Variants in LRMDA observed in about 807,000 individuals in gnomAD.
LRMDA encodes leucine-rich melanocyte differentiation-associated protein.
A neutral mutation model predicts 29.8 loss-of-function variants in LRMDA; 18 were observed. The observed-to-expected ratio is 0.60, with a 90% CI of 0.42 to 0.90. LRMDA has a LOEUF of 0.90. Ranked by LOEUF, LRMDA falls within the 40% of genes least tolerant of loss-of-function variation. The probability of loss-of-function intolerance (pLI) is 0.00; values close to 1 mark genes in which losing one functional copy is unlikely to be tolerated. For synonymous variants in LRMDA, 125 were observed against 109.4 expected, an observed-to-expected ratio of 1.14 and a Z score of -0.89; for missense variants, 273 against 273.9, an observed-to-expected ratio of 1.00 and a Z score of 0.02.
intron 2 of LRMDA, among the ~76,000 whole-genome samples, chr10:75,453,943 C>CT (rs1379301172): frequency 1.3e-5 from 2 of 152,206 alleles, no homozygotes; most frequent in East Asian, 3.8e-4. Flanking sequence ...ACCTTGTGAA[C>CT]TGAAGGCCCC....
At chr10:75,592,998 C>G (rs1012656726) in intron 2 of LRMDA, among the ~76,000 whole-genome samples, 2 of 152,082 alleles carry the variant, frequency 1.3e-5, no homozygotes, top group African/African-American at 4.8e-5. Context: ...ATCTCCACCC[C>G]CTCCTCCTCT....
At chr10:76,250,567 T>C (rs55664945) in intron 5 of LRMDA, among the ~76,000 whole-genome samples, 105 of 152,322 alleles carry the variant, frequency 6.9e-4, no homozygotes, top group African/African-American at 2.5e-3. Flanking sequence ...TCAAATCTCG[T>C]ATTTGGAGCA....
At chr10:76,096,688 A>AT (rs1448773834) in intron 5 of LRMDA, among the ~76,000 whole-genome samples, 1 of 152,146 alleles carries the variant, frequency 6.6e-6, no homozygotes, top group Non-Finnish European at 1.5e-5. Context: ...TATGTAGTGC[A>AT]TTTTTGAGAG....
chr10:75,969,030 G>A (rs886137883), intron 2 of LRMDA, among the ~76,000 whole-genome samples: 1 of 152,114 alleles, frequency 6.6e-6, no homozygotes, highest in Non-Finnish European at 1.5e-5. Flanking sequence ...ATAAAGCCCA[G>A]GCCTTTAAAG....
intron 2 of LRMDA, among the ~76,000 whole-genome samples, chr10:75,786,601 G>A (rs960935374): frequency 5.3e-5 from 8 of 151,656 alleles, no homozygotes; most frequent in Non-Finnish European, 1.2e-4. Flanking sequence ...TATTCTTCAG[G>A]GCCTTTCTGA....
chr10:76,371,300 A>G (rs531946886), intron 6 of LRMDA, among the ~76,000 whole-genome samples: 7 of 152,322 alleles, frequency 4.6e-5, no homozygotes, highest in Non-Finnish European at 7.3e-5. Context: ...TCCTTCTTGC[A>G]GTGGGGTTTT....
chr10:76,505,325 G>C (rs1028453319), intron 6 of LRMDA, among the ~76,000 whole-genome samples: 4 of 151,892 alleles, frequency 2.6e-5, no homozygotes, highest in Non-Finnish European at 5.9e-5. Flanking sequence ...GGGGTTCTTG[G>C]TATTTCTTGA....
In LRMDA at chr10:76,502,670, G is replaced by A. The variant is rs1363544470; in HGVS notation, c.602-54539G>A. ...TTCACTCTCAGCCTGGACATTGTTG[G>A]TTTATAGAAATGCTGCTGATTTTTG... is the stretch of plus-strand genomic sequence containing the variant. On this transcript the variant is annotated intron_variant, in intron 6 of 6. Transcript: ENST00000611255. Among the ~76,000 whole-genome samples the A allele has an allele frequency of 2.0e-5, 3 of 151,580 alleles. 1 individual carries two copies. In the East Asian group the frequency reaches 5.8e-4, roughly 29 times the overall value.
At chr10:75,573,268 A>G (rs530930617) in intron 2 of LRMDA, among the ~76,000 whole-genome samples, 13 of 152,178 alleles carry the variant, frequency 8.5e-5, no homozygotes, top group South Asian at 2.1e-4. Flanking sequence ...GATTTGTTTT[A>G]TTTAAAATAC....
intron 5 of LRMDA, among the ~76,000 whole-genome samples, chr10:76,236,972 C>T (rs2132279108): frequency 6.6e-6 from 1 of 152,278 alleles, no homozygotes; most frequent in East Asian, 1.9e-4. Flanking sequence ...TTTTGGATTT[C>T]TGCAATAATG....
chr10:76,450,524 T>G (rs60544296), intron 6 of LRMDA, among the ~76,000 whole-genome samples: 1 of 152,272 alleles, frequency 6.6e-6, no homozygotes, highest in African/African-American at 2.4e-5. Flanking sequence ...CAATTTCTAT[T>G]TTATTAATTC....
intron 2 of LRMDA, among the ~76,000 whole-genome samples, chr10:75,854,456 A>G (rs1288481635): frequency 2.0e-5 from 3 of 152,104 alleles, no homozygotes; most frequent in Non-Finnish European, 4.4e-5. Flanking sequence ...GCCACTTTCT[A>G]TATAATACTG....
intron 5 of LRMDA, among the ~76,000 whole-genome samples, chr10:76,197,661 G>A (rs1851353528): frequency 2.0e-5 from 3 of 152,140 alleles, no homozygotes; most frequent in South Asian, 2.1e-4. Flanking sequence ...GTTCACACCT[G>A]TAATCTTAAC....
At chr10:76,306,178 C>T (rs1840553177) in intron 5 of LRMDA, among the ~76,000 whole-genome samples, 1 of 152,176 alleles carries the variant, frequency 6.6e-6, no homozygotes, top group Admixed American at 6.5e-5. Flanking sequence ...CCTCTGCAAT[C>T]AACACATACA....
At chr10:76,278,577 C>T (rs553968117) in intron 5 of LRMDA, among the ~76,000 whole-genome samples, 5 of 152,286 alleles carry the variant, frequency 3.3e-5, no homozygotes, top group East Asian at 1.9e-4. Flanking sequence ...TGACAGTCAG[C>T]GGTGTCTCAC....
At chr10:76,540,810 A>G (rs928174796) in intron 6 of LRMDA, among the ~76,000 whole-genome samples, 5 of 152,322 alleles carry the variant, frequency 3.3e-5, no homozygotes, top group Admixed American at 2.0e-4. Flanking sequence ...TCGAGTCTGC[A>G]CTTGGGGCTC....
chr10:75,598,037 G>A (rs983604812), intron 2 of LRMDA, among the ~76,000 whole-genome samples: 2 of 152,172 alleles, frequency 1.3e-5, no homozygotes, highest in African/African-American at 4.8e-5. Flanking sequence ...TGCTGCCCCC[G>A]TAGAGCCGGC....
At chr10:76,131,277 T>G (rs1849988129) in intron 5 of LRMDA, among the ~76,000 whole-genome samples, 1 of 152,194 alleles carries the variant, frequency 6.6e-6, no homozygotes, top group African/African-American at 2.4e-5. Context: ...TGGAACAGCA[T>G]ACCACATTCC....
intron 5 of LRMDA, among the ~76,000 whole-genome samples, chr10:76,120,619 A>C (rs1270705181): frequency 1.3e-5 from 2 of 152,300 alleles, no homozygotes; most frequent in Middle Eastern, 3.4e-3. Context: ...ATATTTAAAA[A>C]TGGGATGATA....
Sources: gnomAD v4.1 joint callset for allele counts (sites outside exome capture counted in the v4.1 genomes callset) on GRCh38, gnomAD v4.1.1 for gene constraint, MANE v1.5 for transcripts, NCBI Gene and HGNC (gene_info 2026-07-23, HGNC 2026-07-21) for gene names.